The following SLC23A2 variants were observed in gnomAD, a reference collection of about 807,000 sequenced individuals.
SLC23A2 encodes the protein Na(+)/L-ascorbic acid transporter 2.
In SLC23A2, 36 loss-of-function variants were observed where a neutral mutation model predicts 73.3. The ratio of observed to expected loss-of-function variants is 0.49; its 90% CI spans 0.38 to 0.65. The LOEUF (loss-of-function observed/expected upper bound fraction) is 0.65. SLC23A2 is among the 30% of genes least tolerant of loss of function. The pLI is 0.00. For missense variants in SLC23A2, 507 were observed against 841.6 expected (o/e 0.60, Z 4.92); for synonymous variants, 343 against 327.3 (o/e 1.05, Z -0.52).
At chr20:4,990,763 G>C (rs111784275) in intron 1 of SLC23A2, among the ~76,000 whole-genome samples, 3 of 150,932 alleles carry the variant, frequency 2.0e-5, no homozygotes, top group Non-Finnish European at 3.0e-5. Flanking sequence ...CAGGTGGATC[G>C]CTAGAGGTCA....
chr20:4,932,928 C>A (rs1457046995), intron 2 of SLC23A2, among the ~76,000 whole-genome samples: 1 of 152,052 alleles, frequency 6.6e-6, no homozygotes, highest in African/African-American at 2.4e-5. Flanking sequence ...GAGAGGGGGA[C>A]CACTAAACCA....
At chr20:4,948,631 G>A (rs1955398327) in intron 2 of SLC23A2, among the ~76,000 whole-genome samples, 1 of 152,224 alleles carries the variant, frequency 6.6e-6, no homozygotes, top group African/African-American at 2.4e-5. Context: ...CATACGTGGT[G>A]ATCAAAATTA....
chr20:4,963,834 T>G (rs930866649), intron 2 of SLC23A2, among the ~76,000 whole-genome samples: 1 of 151,988 alleles, frequency 6.6e-6, no homozygotes, highest in African/African-American at 2.4e-5. Flanking sequence ...GGTGACATAG[T>G]GAGACTCTGT....
intron 16 of SLC23A2, 36 bp downstream of exon 16, chr20:4,859,253 A>AC: frequency 8.4e-7 from 1 of 1,194,200 alleles, no homozygotes. Flanking sequence ...TTAAAAAATA[A>AC]AAAAAAAAAA....
chr20:4,924,306 CAG>C (rs1403066332), intron 3 of SLC23A2, among the ~76,000 whole-genome samples: 3 of 152,192 alleles, frequency 2.0e-5, no homozygotes, highest in African/African-American at 7.2e-5. Context: ...CCTCTGGAGT[CAG>C]AGTTTCTCCT....
chr20:4,862,144 G>A lies in SLC23A2; in HGVS notation c.1487-59C>T. On this transcript the variant is annotated intron_variant, in intron 14 of 16. Coordinates refer to ENST00000338244, the MANE Select transcript of SLC23A2 (RefSeq NM_005116.6). This position sits in a 1 kb window ranked among gnomAD's most constrained non-coding sequence, Gnocchi z 5.1. ...CACCACTACAGCGGGGACAGCTCAA[G>A]GCAGGTGAGGGCAGGCTCCCTGGCA... 1 of 1,545,076 alleles carries A rather than the reference G, an allele frequency of 6.5e-7. No individual in the cohort carries two copies. Among genetic ancestry groups the A allele is most frequent in the Non-Finnish European group, 8.9e-7 (1 of 1,127,218 alleles).
intron 4 of SLC23A2, among the ~76,000 whole-genome samples, chr20:4,910,379 G>GAAAA (rs373996937): frequency 7.8e-6 from 1 of 128,210 alleles, no homozygotes. Context: ...TCTGTCTCAA[G>GAAAA]AAAAAAAAAA....
At chr20:4,986,735 G>A (rs1196489593) in intron 1 of SLC23A2, among the ~76,000 whole-genome samples, 1 of 146,954 alleles carries the variant, frequency 6.8e-6, no homozygotes, top group Non-Finnish European at 1.5e-5. Flanking sequence ...AAAACAAAAA[G>A]TCTGGAAAAT....
At chr20:4,970,317 T>C (rs983767681) in intron 2 of SLC23A2, among the ~76,000 whole-genome samples, 2 of 152,184 alleles carry the variant, frequency 1.3e-5, no homozygotes, top group Admixed American at 6.5e-5. Flanking sequence ...AGCATTAACC[T>C]AACAATTCAT....
chr20:4,981,074 C>T (rs2087719233), intron 1 of SLC23A2, among the ~76,000 whole-genome samples: 1 of 152,202 alleles, frequency 6.6e-6, no homozygotes, highest in Non-Finnish European at 1.5e-5. Flanking sequence ...GAATTTCCTA[C>T]ATATTCTTCT....
chr20:4,859,078 G>A (rs972663283), intron 16 of SLC23A2, among the ~76,000 whole-genome samples: 2 of 152,150 alleles, frequency 1.3e-5, no homozygotes, highest in Admixed American at 6.5e-5. Flanking sequence ...CCTTCAGCAC[G>A]AGAAACAAAA....
chr20:4,953,281 G>A (rs1304897477), intron 2 of SLC23A2, among the ~76,000 whole-genome samples: 1 of 151,634 alleles, frequency 6.6e-6, no homozygotes, highest in East Asian at 1.9e-4. Context: ...ACTCCAGCCT[G>A]GCAACACAGC....
At chr20:4,905,602 C>A (rs930998957) in intron 4 of SLC23A2, among the ~76,000 whole-genome samples, 1 of 152,220 alleles carries the variant, frequency 6.6e-6, no homozygotes, top group African/African-American at 2.4e-5. Context: ...GAACTCAGAA[C>A]GCTGTTCTCT....
chr20:4,936,385 G>A (rs768451803), intron 2 of SLC23A2, among the ~76,000 whole-genome samples: 2 of 152,206 alleles, frequency 1.3e-5, no homozygotes, highest in Non-Finnish European at 2.9e-5. Context: ...TAAGCTCTTT[G>A]TCCCACATCT....
At chr20:4,859,694 T>TA (rs895054217) in intron 15 of SLC23A2, among the ~76,000 whole-genome samples, 2 of 151,066 alleles carry the variant, frequency 1.3e-5, no homozygotes, top group East Asian at 3.9e-4. Context: ...AGTCGGTGGA[T>TA]AAAAAAAATT....
intron 4 of SLC23A2, among the ~76,000 whole-genome samples, chr20:4,910,624 C>T (rs75522562): frequency 6.6e-6 from 1 of 151,980 alleles, no homozygotes; most frequent in Non-Finnish European, 1.5e-5. Context: ...TTAGTAGAGA[C>T]GGGGTTTCGC....
At chr20:4,878,555 T>C (rs1449352099) in intron 9 of SLC23A2, among the ~76,000 whole-genome samples, 5 of 152,222 alleles carry the variant, frequency 3.3e-5, no homozygotes, top group Non-Finnish European at 7.3e-5. Flanking sequence ...TCTTTCTCTT[T>C]TCAATATCTG....
intron 1 of SLC23A2, among the ~76,000 whole-genome samples, chr20:4,990,676 T>A (rs2087910113): frequency 7.0e-6 from 1 of 143,150 alleles, no homozygotes; most frequent in African/African-American, 2.6e-5. Flanking sequence ...CCGGCCTCCA[T>A]CTCTTATCTT....
chr20:4,999,908 A>G (rs1178119758), intron 1 of SLC23A2, among the ~76,000 whole-genome samples: 1 of 152,196 alleles, frequency 6.6e-6, no homozygotes, highest in East Asian at 1.9e-4. Context: ...AAAAGAAAGA[A>G]GCTGGTTGCC....
Sources: gnomAD v4.1 joint callset for allele counts (sites outside exome capture counted in the v4.1 genomes callset) on GRCh38, gnomAD v4.1.1 for gene constraint, Gnocchi (gnomAD v3.1) non-coding constraint, MANE v1.5 for transcripts, NCBI Gene and HGNC (gene_info 2026-07-23, HGNC 2026-07-21) for gene names.